Variants in PARVA observed in about 807,000 individuals in gnomAD.
The protein encoded by PARVA is alpha-parvin.
PARVA carries 25 observed loss-of-function variants against 52.6 expected under a neutral mutation model. The ratio of observed to expected loss-of-function variants is 0.48; its 90% CI spans 0.35 to 0.66. The LOEUF is 0.66. Ranked by LOEUF, PARVA falls within the 30% of genes least tolerant of loss-of-function variation. The probability of loss-of-function intolerance (pLI) is 0.01; values close to 1 mark genes in which losing one functional copy is unlikely to be tolerated. For missense variants in PARVA, 373 were observed against 450.9 expected (o/e 0.83, Z 1.56); for synonymous variants, 185 against 179.1 (o/e 1.03, Z -0.26).
intron 6 of PARVA, among the ~76,000 whole-genome samples, chr11:12,506,917 G>A (rs1035638769): frequency 1.3e-5 from 2 of 152,198 alleles, no homozygotes; most frequent in Non-Finnish European, 2.9e-5. Flanking sequence ...GAAAGTTGGA[G>A]ATGAGGTTTT....
chr11:12,424,014 T>C (rs1311166533), intron 1 of PARVA, among the ~76,000 whole-genome samples: 2 of 152,360 alleles, frequency 1.3e-5, no homozygotes, highest in Admixed American at 6.5e-5. Flanking sequence ...GTTATTATGT[T>C]AATCTATTTT....
At chr11:12,496,904 C>T (rs1419734335) in intron 5 of PARVA, among the ~76,000 whole-genome samples, 1 of 152,226 alleles carries the variant, frequency 6.6e-6, no homozygotes, top group Admixed American at 6.5e-5. Flanking sequence ...AGTCCCAGCA[C>T]AGCCTTTTGA....
intron 1 of PARVA, among the ~76,000 whole-genome samples, chr11:12,417,525 ATT>A (rs893596800): frequency 1.3e-5 from 2 of 152,146 alleles, no homozygotes; most frequent in African/African-American, 4.8e-5. Flanking sequence ...GGAAGGTAGG[ATT>A]TGGAGTGATT....
chr11:12,390,349 A>C (rs965502876), intron 1 of PARVA, among the ~76,000 whole-genome samples: 1 of 152,160 alleles, frequency 6.6e-6, no homozygotes, highest in Non-Finnish European at 1.5e-5. Flanking sequence ...TCTAATCACC[A>C]TGTTTAGGAA....
chr11:12,517,520 G>T, intron 10 of PARVA, 90 bp from the exon 11 acceptor site: 1 of 954,372 alleles, frequency 1.0e-6, no homozygotes. Flanking sequence ...GTAGGCTTCA[G>T]GTGGCATAGC....
chr11:12,387,863 G>A (rs556951952), intron 1 of PARVA, among the ~76,000 whole-genome samples: 8 of 152,034 alleles, frequency 5.3e-5, no homozygotes, highest in South Asian at 2.1e-4. Context: ...GGCATGGTAC[G>A]TATTTATATG....
intron 1 of PARVA, among the ~76,000 whole-genome samples, chr11:12,390,965 G>A (rs1228543040): frequency 6.6e-6 from 1 of 152,036 alleles, no homozygotes; most frequent in Non-Finnish European, 1.5e-5. Context: ...CTGCCTCTTG[G>A]CTGAGTGTTA....
chr11:12,427,321 C>T (rs1291723911), intron 1 of PARVA, among the ~76,000 whole-genome samples: 2 of 152,204 alleles, frequency 1.3e-5, no homozygotes, highest in Non-Finnish European at 2.9e-5. Context: ...ATGCAGTCTC[C>T]TGCCCTGCAT....
chr11:12,411,824 A>G (rs1272429581), intron 1 of PARVA, among the ~76,000 whole-genome samples: 2 of 152,084 alleles, frequency 1.3e-5, no homozygotes, highest in African/African-American at 2.4e-5. Flanking sequence ...GATCAAGTCT[A>G]CACTCCCTGG....
chr11:12,496,580 A>C lies in PARVA; in HGVS notation c.523A>C (p.Ile175Leu). The change falls in exon 5 of 13, where the codon ATC (isoleucine) becomes CTC (leucine). Residue 175 changes from isoleucine to leucine, a missense_variant. By Grantham distance (5) the Ile-to-Leu change is conservative (BLOSUM62 2). Coordinates refer to ENST00000334956, the MANE Select transcript of PARVA (RefSeq NM_018222.5). ...NETLKLPPRS[I>L]KWNVDSVHAK... is the part of the protein sequence containing the mutation. ...AACCCTGAAACTTCCTCCCAGGAGC[A>C]TCAAGTGGAATGTGGATTGTGAGTT... 1 of 1,612,226 alleles carries C rather than the reference A, an allele frequency of 6.2e-7. No homozygotes were observed. The highest frequency in any genetic ancestry group is 8.5e-7 in the Non-Finnish European group (1 of 1,179,344).
Position 12,504,455 on chromosome 11 carries a change from C to G in PARVA, c.657+26C>G, listed in dbSNP as rs74401006. On this transcript the variant is annotated intron_variant, in intron 6 of 12. Transcript: ENST00000334956. Reference sequence around the variant, plus strand: ...GTAAGACAGGTAACACTACAAACATCTGTGTCTTTAAAGAGTCGTGGAGGT... The same window carrying G: ...GTAAGACAGGTAACACTACAAACATGTGTGTCTTTAAAGAGTCGTGGAGGT... 5,475 of 1,429,892 alleles carry G rather than the reference C, an allele frequency of 3.8e-3. 162 individuals are homozygous for G. In the African/African-American group the frequency reaches 0.065, roughly 17 times the overall value. 88.6% of individuals were successfully genotyped at this position (1,429,892 alleles called of 1,614,324 possible). A position where few individuals can be genotyped will look rare whatever the true frequency, so the allele number is the denominator to read the frequency against.
chr11:12,513,565 A>G (rs770047801), intron 9 of PARVA: 8 of 693,922 alleles, frequency 1.2e-5, no homozygotes, highest in Non-Finnish European at 1.1e-5. Flanking sequence ...CTCCATCAGC[A>G]TGAACAGCCT....
chr11:12,396,213 A>G (rs1392812332), intron 1 of PARVA, among the ~76,000 whole-genome samples: 2 of 150,640 alleles, frequency 1.3e-5, no homozygotes, highest in East Asian at 3.9e-4. Context: ...CTTCATACCA[A>G]AGTCTAACTC....
At chr11:12,511,162 G>A (rs1387701423) in intron 7 of PARVA, among the ~76,000 whole-genome samples, 6 of 152,126 alleles carry the variant, frequency 3.9e-5, no homozygotes, top group South Asian at 4.1e-4. Flanking sequence ...TTTCTGGTTG[G>A]AAATCTTCAG....
At chr11:12,513,408 G>A in intron 9 of PARVA, 48 bp downstream of exon 9, 1 of 1,532,850 alleles carries the variant, frequency 6.5e-7, no homozygotes, top group Non-Finnish European at 9.0e-7. Flanking sequence ...AGATGCAACA[G>A]AACATTGGGA....
intron 1 of PARVA, among the ~76,000 whole-genome samples, chr11:12,448,706 C>T (rs2135011924): frequency 6.6e-6 from 1 of 152,326 alleles, no homozygotes; most frequent in Non-Finnish European, 1.5e-5. Flanking sequence ...AACTGAGTTA[C>T]AGCTGAAGGT....
At chr11:12,394,789 C>T (rs1399760568) in intron 1 of PARVA, among the ~76,000 whole-genome samples, 1 of 152,130 alleles carries the variant, frequency 6.6e-6, no homozygotes, top group African/African-American at 2.4e-5. Flanking sequence ...ACGGAATCCA[C>T]CTATATGAAA....
intron 1 of PARVA, among the ~76,000 whole-genome samples, chr11:12,435,410 CCT>C (rs1439988557): frequency 3.3e-5 from 5 of 152,232 alleles, no homozygotes; most frequent in Admixed American, 6.5e-5. Context: ...TGAAAATATC[CCT>C]GTCATTCAAC....
intron 1 of PARVA, among the ~76,000 whole-genome samples, chr11:12,447,227 AT>A (rs965345911): frequency 2.0e-5 from 3 of 152,054 alleles, no homozygotes; most frequent in Admixed American, 6.5e-5. Context: ...TCTCTAGTGT[AT>A]TTTTTTTGGT....
Sources: allele counts gnomAD v4.1 joint callset (sites outside exome capture counted in the v4.1 genomes callset), GRCh38; gene constraint gnomAD v4.1.1; transcripts MANE v1.5; gene names NCBI Gene and HGNC (gene_info 2026-07-23, HGNC 2026-07-21).